The following EPHA5 variants were observed in gnomAD, a reference collection of about 807,000 sequenced individuals.
EPHA5 encodes the protein ephrin type-A receptor 5.
EPHA5 carries 60 observed loss-of-function variants against 105.0 expected under a neutral mutation model. The observed-to-expected ratio is 0.57, with a 90% confidence interval of 0.46 to 0.71. The LOEUF (loss-of-function observed/expected upper bound fraction) is 0.71. Ranked by LOEUF, EPHA5 falls within the 30% of genes least tolerant of loss-of-function variation. The probability of loss-of-function intolerance (pLI) is 0.00; values close to 1 mark genes in which losing one functional copy is unlikely to be tolerated. For synonymous variants in EPHA5, 513 were observed against 449.1 expected (o/e 1.14, Z -1.80); for missense variants, 1,218 against 1,274.7 (o/e 0.96, Z 0.68).
intron 14 of EPHA5, among the ~76,000 whole-genome samples, chr4:65,341,528 AATC>A (rs1280267399): frequency 6.6e-6 from 1 of 151,060 alleles, no homozygotes; most frequent in Non-Finnish European, 1.5e-5. Context: ...CACCCTATAG[AATC>A]ATATTTATTT....
intron 3 of EPHA5, among the ~76,000 whole-genome samples, chr4:65,550,429 T>TA (rs1737786727): frequency 6.6e-6 from 1 of 152,154 alleles, no homozygotes; most frequent in African/African-American, 2.4e-5. Flanking sequence ...TGGACGCCCT[T>TA]AATAGATATT....
rs1475730922 is a variant in EPHA5 at position 65,559,568 on chromosome 4, A to G, written c.910+42073T>C. The stretch of plus-strand genomic sequence containing the variant: ...TCTCTGCAAAACAGTGTGACCACGG[A>G]CATTTCACAGGGTCTTTCTTTTTAA... On this transcript the variant is annotated intron_variant, in intron 3 of 16. Coordinates refer to ENST00000613740, the MANE Select transcript of EPHA5 (RefSeq NM_001281766.3). Among the ~76,000 whole-genome samples the G allele has an allele frequency of 2.0e-5, 3 of 152,150 alleles. No homozygotes were observed. In the East Asian group the frequency reaches 5.8e-4, roughly 29 times the overall value.
At position 65,321,391 on chromosome 4, in the gene EPHA5, C is replaced by G. The variant is rs918342955; in HGVS notation, c.*2723G>C. ...CATTTTACTAGAGTTGGCTCCTCTCCTTGTTCCATTTCTCACACTTGCAGA... is the reference window on the plus strand; with the variant it reads ...CATTTTACTAGAGTTGGCTCCTCTCGTTGTTCCATTTCTCACACTTGCAGA... On this transcript the variant is annotated 3_prime_UTR_variant, in exon 17 of 17. Transcript: ENST00000613740. 4.3e-6 allele frequency: 1 copy of G among 230,418 alleles called. No individual in the cohort carries two copies. Among genetic ancestry groups the G allele is most frequent in the South Asian group, 1.8e-4 (1 of 5,510 alleles). 14.3% of individuals were successfully genotyped at this position (230,418 alleles called of 1,614,324 possible). A position where few individuals can be genotyped will look rare whatever the true frequency, so the allele number is the denominator to read the frequency against.
intron 8 of EPHA5, among the ~76,000 whole-genome samples, chr4:65,383,435 C>G (rs1436833431): frequency 6.6e-6 from 1 of 151,762 alleles, no homozygotes; most frequent in African/African-American, 2.4e-5. Context: ...AGAACAAAAT[C>G]ACAATCACCA....
At chr4:65,465,477 AAGAAAGAAAG>A (rs1560566959) in intron 5 of EPHA5, among the ~76,000 whole-genome samples, 911 of 69,258 alleles carry the variant, frequency 0.013, 20 homozygotes, top group Non-Finnish European at 0.019. Flanking sequence ...AAAAGAAAGA[AAGAAAGAAAG>A]AAAGAAAGAA....
chr4:65,371,305 T>C (rs1399409354), intron 8 of EPHA5, among the ~76,000 whole-genome samples: 2 of 152,030 alleles, frequency 1.3e-5, no homozygotes, highest in African/African-American at 2.4e-5. Flanking sequence ...TAGGCATAAC[T>C]CATATTCATT....
rs571558726 is a variant in EPHA5 at position 65,481,115 on chromosome 4, A to G, written c.1402+9262T>C. Among the ~76,000 whole-genome samples, 26 of 152,302 alleles carry G rather than the reference A, an allele frequency of 1.7e-4. 1 individual carries two copies. The South Asian group carries it at 3.1e-3, about 18-fold the overall frequency. Reference sequence around the variant, plus strand: ...TCAAATTCCACCATAAACTCATGAGAAATTTAAGAAATTCAACAAAGATCG... The same window carrying G: ...TCAAATTCCACCATAAACTCATGAGGAATTTAAGAAATTCAACAAAGATCG... On this transcript the variant is annotated intron_variant, in intron 5 of 16. Coordinates refer to ENST00000613740, the MANE Select transcript of EPHA5 (RefSeq NM_001281766.3).
At position 65,335,871 on chromosome 4, in the gene EPHA5, A is replaced by G. The variant is rs994547221; in HGVS notation, c.2789+61T>C. 9.6e-6 allele frequency: 14 copies of G among 1,462,866 alleles called. No homozygotes were observed. In the East Asian group the frequency reaches 3.3e-4, roughly 34 times the overall value. The allele number at this position is 1,462,866 out of a possible 1,614,324, so 90.6% of individuals were successfully genotyped here. On this transcript the variant is annotated intron_variant, in intron 15 of 16. Coordinates refer to ENST00000613740, the MANE Select transcript of EPHA5 (RefSeq NM_001281766.3). The stretch of plus-strand genomic sequence containing the variant: ...ACGAGAATGATTTAATTGATAAAAT[A>G]TTTGTGACATCAATCTGAGTTAGCT...
At chr4:65,497,965 A>G (rs896214228) in intron 3 of EPHA5, among the ~76,000 whole-genome samples, 20 of 151,974 alleles carry the variant, frequency 1.3e-4, no homozygotes. Context: ...TATAAATATT[A>G]CTACACCAGG....
chr4:65,363,682 C>T (rs562796259), intron 11 of EPHA5, among the ~76,000 whole-genome samples: 10 of 151,498 alleles, frequency 6.6e-5, no homozygotes, highest in Non-Finnish European at 1.5e-4. Context: ...TCATTAAGAA[C>T]TATGTTTTAT....
intron 8 of EPHA5, chr4:65,376,882 T>G: frequency 1.2e-6 from 1 of 812,572 alleles, no homozygotes; most frequent in Non-Finnish European, 1.8e-6. Flanking sequence ...GGATTCACCT[T>G]GGGGAGCCAG....
At chr4:65,332,714 T>C (rs1720755306) in intron 15 of EPHA5, among the ~76,000 whole-genome samples, 1 of 151,802 alleles carries the variant, frequency 6.6e-6, no homozygotes, top group Admixed American at 6.6e-5. Flanking sequence ...AATATTTCTC[T>C]AAAAATCAGT....
chr4:65,638,279 C>A (rs1747333672), intron 2 of EPHA5, among the ~76,000 whole-genome samples: 1 of 152,090 alleles, frequency 6.6e-6, no homozygotes, highest in African/African-American at 2.4e-5. Context: ...CAGGCAATAT[C>A]TCCACAACTG....
chr4:65,643,026 A>T (rs1355520338), intron 2 of EPHA5, among the ~76,000 whole-genome samples: 2 of 152,056 alleles, frequency 1.3e-5, no homozygotes, highest in African/African-American at 4.8e-5. Flanking sequence ...ATTAATAGCA[A>T]ATAAAATACT....
chr4:65,660,238 C>T (rs1749442245), intron 1 of EPHA5, among the ~76,000 whole-genome samples: 1 of 152,118 alleles, frequency 6.6e-6, no homozygotes, highest in African/African-American at 2.4e-5. Flanking sequence ...ACAACATTTA[C>T]AACCCATGAC....
chr4:65,560,772 C>T lies in EPHA5; in HGVS notation c.910+40869G>A, dbSNP rs537111013. On this transcript the variant is annotated intron_variant, in intron 3 of 16. Transcript: ENST00000613740. ...ATAAGTATTCTAGACATAATTCCTG[C>T]CTGTTAAATGACTCAAATAATATTC... Among the ~76,000 whole-genome samples, 13 of 152,006 alleles carry T rather than the reference C, an allele frequency of 8.6e-5. No individual in the cohort carries two copies. The South Asian group carries it at 2.7e-3, about 32-fold the overall frequency.
chr4:65,392,913 T>C (rs1224683723), intron 8 of EPHA5, among the ~76,000 whole-genome samples: 1 of 152,160 alleles, frequency 6.6e-6, no homozygotes, highest in Non-Finnish European at 1.5e-5. Flanking sequence ...ATTCTCTAAA[T>C]ACTTACTGGC....
chr4:65,661,266 TTTGTTGTTG>T (rs200328415), intron 1 of EPHA5, among the ~76,000 whole-genome samples: 1 of 152,030 alleles, frequency 6.6e-6, no homozygotes, highest in Non-Finnish European at 1.5e-5. Flanking sequence ...TTTGTATGCT[TTTGTTGTTG>T]TTGTTGTTGA....
intron 3 of EPHA5, among the ~76,000 whole-genome samples, chr4:65,534,942 G>A (rs988029845): frequency 6.6e-6 from 1 of 152,116 alleles, no homozygotes; most frequent in African/African-American, 2.4e-5. Context: ...CAGTGGAAAT[G>A]GACAGCCAGG....
Sources: gnomAD v4.1 joint callset for allele counts (sites outside exome capture counted in the v4.1 genomes callset) on GRCh38, gnomAD v4.1.1 for gene constraint, MANE v1.5 for transcripts, NCBI Gene and HGNC (gene_info 2026-07-23, HGNC 2026-07-21) for gene names.